The following ARID2 variants were observed in gnomAD, a reference collection of about 807,000 sequenced individuals.
ARID2 encodes AT-rich interaction domain 2.
ARID2 carries 32 observed loss-of-function variants against 184.6 expected under a neutral mutation model. The observed-to-expected ratio is 0.17, with a 90% CI of 0.13 to 0.23. ARID2 has a LOEUF of 0.23. Among genes scored for constraint, ARID2 ranks in the 10% least tolerant of loss-of-function variants. The pLI is 1.00. For missense variants in ARID2, 1,696 were observed against 2,197.6 expected (o/e 0.77, Z 4.56); for synonymous variants, 836 against 772.6 (o/e 1.08, Z -1.36).
At chr12:45,780,743 C>T (rs1229650103) in intron 3 of ARID2, among the ~76,000 whole-genome samples, 1 of 152,044 alleles carries the variant, frequency 6.6e-6, no homozygotes, top group Non-Finnish European at 1.5e-5. Context: ...CTCAGCCAAC[C>T]TAGTCACTGG....
At chr12:45,833,555 A>G (rs1242647152) in intron 6 of ARID2, among the ~76,000 whole-genome samples, 1 of 151,976 alleles carries the variant, frequency 6.6e-6, no homozygotes, top group Non-Finnish European at 1.5e-5. Context: ...GACATTGTTG[A>G]GTGTCTGAAC....
chr12:45,861,255 TGTTTTTGTC>T (rs1943741724), intron 16 of ARID2, among the ~76,000 whole-genome samples: 1 of 152,206 alleles, frequency 6.6e-6, no homozygotes, highest in African/African-American at 2.4e-5. Flanking sequence ...TTTTTTTTGT[TGTTTTTGTC>T]GTTTTTAAGT....
rs1322315914 is a variant in ARID2, at chr12:45,852,613, C to T, written c.4490C>T (p.Pro1497Leu). The T allele has an allele frequency of 6.2e-7, 1 of 1,614,096 alleles. No individual in the cohort carries two copies. The highest frequency in any genetic ancestry group is 8.5e-7 in the Non-Finnish European group (1 of 1,180,018). The change falls in exon 15 of 21, where the codon CCT (proline) becomes CTT (leucine). Residue 1497 changes from proline to leucine, a missense_variant. Pro to Leu is a moderately conservative substitution (Grantham distance 98). Coordinates refer to ENST00000334344, the MANE Select transcript of ARID2 (RefSeq NM_152641.4). ...PDSGSKVSHS[P>L]ALSSDVRSTN... ...TCAGGATCAAAAGTATCCCATTCTC[C>T]TGCCCTATCATCTGACGTTCGGTCT...
chr12:45,823,096 A>G (rs1026696328), intron 6 of ARID2, among the ~76,000 whole-genome samples: 6 of 152,126 alleles, frequency 3.9e-5, no homozygotes, highest in Non-Finnish European at 2.9e-5. Context: ...CAAATGTTTA[A>G]AAATTGAAAT....
chr12:45,754,138 A>G (rs1941519602), intron 3 of ARID2, among the ~76,000 whole-genome samples: 1 of 152,356 alleles, frequency 6.6e-6, no homozygotes, highest in South Asian at 2.1e-4. Context: ...CAAAAAACAA[A>G]CTGTTGAATC....
intron 6 of ARID2, among the ~76,000 whole-genome samples, chr12:45,834,316 C>G (rs1048112626): frequency 1.4e-4 from 21 of 151,620 alleles, no homozygotes; most frequent in African/African-American, 5.1e-4. Flanking sequence ...GGCTTAACCA[C>G]AGTTACCTTT....
intron 14 of ARID2, 21 bp from the exon 15 acceptor site, chr12:45,850,015 A>G (rs765313794): frequency 6.4e-7 from 1 of 1,561,726 alleles, no homozygotes; most frequent in African/African-American, 1.4e-5. Flanking sequence ...TGGAATTTTG[A>G]CGTTTTCTTC....
chr12:45,740,954 A>C (rs1371160495), intron 3 of ARID2, among the ~76,000 whole-genome samples: 1 of 152,166 alleles, frequency 6.6e-6, no homozygotes, highest in African/African-American at 2.4e-5. Context: ...TGATTTCTCC[A>C]CTGTAAAGTT....
In ARID2 at chr12:45,817,857, A is replaced by G. The variant is rs2138093574; in HGVS notation, c.606A>G (p.Leu202=). The G allele has an allele frequency of 6.2e-7, 1 of 1,613,130 alleles. No homozygotes were observed. The highest frequency in any genetic ancestry group is 8.5e-7 in the Non-Finnish European group (1 of 1,179,618). Residue 202 remains leucine (L), a synonymous_variant, in exon 5 of 21, where the codon TTA becomes TTG. Coordinates refer to ENST00000334344, the MANE Select transcript of ARID2 (RefSeq NM_152641.4). ...AAAAAGATCCTAAAATCATCACTTT[A>G]CTACTTGCTAATGCCGGGGTGTTTG... The part of the protein sequence containing the change: ...QLEKDPKIIT[L]LLANAGVFDD...
intron 6 of ARID2, among the ~76,000 whole-genome samples, chr12:45,830,932 C>T (rs1943108706): frequency 6.6e-6 from 1 of 151,916 alleles, no homozygotes. Context: ...TTGGCGGGCA[C>T]CTGCAATCCC....
At chr12:45,888,060 T>G (rs1432950939) in intron 16 of ARID2, among the ~76,000 whole-genome samples, 1 of 152,072 alleles carries the variant, frequency 6.6e-6, no homozygotes, top group African/African-American at 2.4e-5. Context: ...CTGGGGGTGC[T>G]GGCGGGCGCC....
chr12:45,850,880 G>A lies in ARID2; in HGVS notation c.2757G>A (p.Gln919=), dbSNP rs1196491754. 1.2e-6 allele frequency: 2 copies of A among 1,614,100 alleles called. No individual in the cohort carries two copies. The highest frequency in any genetic ancestry group is 1.1e-5 in the South Asian group (1 of 91,068). The change falls in exon 15 of 21, where the codon CAG becomes CAA. Residue 919 remains glutamine (Q), a synonymous_variant. Transcript: ENST00000334344. ...TVVQQPIQQP[Q]QPTQQSVVIV... ...TACAGCAGCCTATTCAACAACCACA[G>A]CAGCCAACCCAACAAAGCGTAGTGA... is the stretch of plus-strand genomic sequence containing the variant.
chr12:45,743,602 C>G (rs1484427162), intron 3 of ARID2, among the ~76,000 whole-genome samples: 1 of 151,948 alleles, frequency 6.6e-6, no homozygotes, highest in East Asian at 1.9e-4. Context: ...CAAGGTTATT[C>G]TTTAATGTTT....
rs746105658 is a variant in ARID2, at chr12:45,851,493, C to A, written c.3370C>A (p.Gln1124Lys). The change falls in exon 15 of 21, where the codon CAG becomes AAG. Residue 1124 changes from glutamine (Q) to lysine (K), a missense_variant. Physicochemically the swap from Gln to Lys is moderately conservative, Grantham distance 53. Transcript: ENST00000334344. ...QTPAQQLLVG[Q>K]QNVQLVPSAM... is the part of the protein sequence containing the mutation. ...TCCAGCTCAGCAGCTATTGGTTGGG[C>A]AGCAAAATGTTCAGTTGGTCCCAAG... 7 of 1,614,112 alleles carry A rather than the reference C, an allele frequency of 4.3e-6. No individual in the cohort carries two copies. The South Asian group carries it at 7.7e-5, about 18-fold the overall frequency.
At chr12:45,768,513 G>A (rs888705891) in intron 3 of ARID2, among the ~76,000 whole-genome samples, 12 of 152,166 alleles carry the variant, frequency 7.9e-5, no homozygotes, top group African/African-American at 2.9e-4. Context: ...TGCCTAGGGG[G>A]AGAAGTATGC....
At chr12:45,730,873 CT>C (rs564524227) in intron 2 of ARID2, among the ~76,000 whole-genome samples, 27,844 of 96,686 alleles carry the variant, frequency 0.29, 3,718 homozygotes, top group Admixed American at 0.33. Context: ...TCCTTTTGAA[CT>C]TTTTTTTTTT....
chr12:45,860,828 G>A lies in ARID2; in HGVS notation c.4801G>A (p.Val1601Ile), dbSNP rs1490622245. ...QNTPMPPSPA[V>I]QVQGQPNSSQ... ...CACTCCTATGCCACCTTCACCAGCT[G>A]TACAAGTGCAGGGCCAGCCTAACAG... Residue 1601 changes from valine (V) to isoleucine (I), a missense_variant, in exon 16 of 21, where the codon GTA becomes ATA. Physicochemically the swap from Val to Ile is conservative, Grantham distance 29. Coordinates refer to ENST00000334344, the MANE Select transcript of ARID2 (RefSeq NM_152641.4). 6.2e-6 allele frequency: 10 copies of A among 1,600,326 alleles called. No individual in the cohort carries two copies. The South Asian group carries it at 1.1e-4, about 18-fold the overall frequency.
chr12:45,777,302 T>G (rs1182737008), intron 3 of ARID2, among the ~76,000 whole-genome samples: 1 of 152,066 alleles, frequency 6.6e-6, no homozygotes, highest in Non-Finnish European at 1.5e-5. Flanking sequence ...AATTCCAGAT[T>G]TGGATGCTTA....
chr12:45,883,862 A>G (rs1944142572), intron 16 of ARID2, among the ~76,000 whole-genome samples: 1 of 152,174 alleles, frequency 6.6e-6, no homozygotes, highest in Admixed American at 6.5e-5. Flanking sequence ...CCAGATACAT[A>G]GTAAGTTCTG....
Sources: allele counts gnomAD v4.1 joint callset (sites outside exome capture counted in the v4.1 genomes callset), GRCh38; gene constraint gnomAD v4.1.1; transcripts MANE v1.5; gene names NCBI Gene and HGNC (gene_info 2026-07-23, HGNC 2026-07-21).